Variants in PSG7 observed in about 807,000 individuals in gnomAD.
PSG7 encodes the protein pregnancy specific beta-1-glycoprotein 7.
In PSG7, 57 loss-of-function variants were observed where a neutral mutation model predicts 45.6. The observed-to-expected ratio is 1.25, with a 90% CI of 1.01 to 1.56. PSG7 has a LOEUF of 1.56. Among genes scored for constraint, PSG7 ranks in the 40% most tolerant of loss-of-function variants. PSG7 has a pLI of 0.00. For synonymous variants in PSG7, 298 were observed against 194.4 expected (o/e 1.53, Z -4.43); for missense variants, 796 against 508.4 (o/e 1.57, Z -5.44).
intron 2 of PSG7, among the ~76,000 whole-genome samples, chr19:42,930,884 T>C (rs1383596191): frequency 6.6e-6 from 1 of 151,682 alleles, no homozygotes; most frequent in East Asian, 1.9e-4. Flanking sequence ...GTGCTCCTTA[T>C]GCAGAAAGGT....
In PSG7 at chr19:42,929,246, G is replaced by A. The variant is rs1295950450; in HGVS notation, c.709+196C>T. 10 of 1,295,898 alleles carry A rather than the reference G, an allele frequency of 7.7e-6. No individual in the cohort carries two copies. In the South Asian group the frequency reaches 1.6e-4, roughly 20 times the overall value. The allele number at this position is 1,295,898 out of a possible 1,614,324, so 80.3% of individuals were successfully genotyped here. A position where few individuals can be genotyped will look rare whatever the true frequency, so the allele number is the denominator to read the frequency against. On this transcript the variant is annotated intron_variant, in intron 3 of 5. Coordinates refer to ENST00000406070, the MANE Select transcript of PSG7 (RefSeq NM_002783.3). ...GTGGACCCTGAGTCTCCCATGACAG[G>A]AGCAGCCTCTTTTCTCTTATTGTGG...
intron 3 of PSG7, among the ~76,000 whole-genome samples, chr19:42,928,604 C>A (rs116589013): frequency 0.12 from 18,898 of 151,306 alleles, 1,659 homozygotes; most frequent in Admixed American, 0.17. Flanking sequence ...AGTGTATAGT[C>A]TGAAGAATGA....
intron 2 of PSG7, among the ~76,000 whole-genome samples, chr19:42,930,727 T>C (rs1365706749): frequency 6.6e-6 from 1 of 151,324 alleles, no homozygotes; most frequent in African/African-American, 2.4e-5. Flanking sequence ...GATTCCAGAG[T>C]GAATCAGAGA....
chr19:42,925,919 C>G lies in PSG7; in HGVS notation c.1097G>C (p.Trp366Ser), dbSNP rs772794083. 1 of 1,612,122 alleles carries G rather than the reference C, an allele frequency of 6.2e-7. No individual in the cohort carries two copies. The highest frequency in any genetic ancestry group is 1.7e-5 in the Admixed American group (1 of 59,886). The stretch of plus-strand genomic sequence containing the variant: ...TAGCTGAAACTTCCCATTAATTGTC[C>G]AAGAATACTGTGCCGGTGGGTTAGA... ...ADSNPPAQYSWTINGKFQLSG... is the reference protein window; with the variant it reads ...ADSNPPAQYSSTINGKFQLSG... The change falls in exon 5 of 6, where the codon TGG (tryptophan) becomes TCG (serine). Residue 366 changes from tryptophan to serine, a missense_variant. Transcript: ENST00000406070.
intron 2 of PSG7, among the ~76,000 whole-genome samples, chr19:42,933,892 G>T (rs150948804): frequency 0.02 from 3,006 of 151,416 alleles, 158 homozygotes; most frequent in African/African-American, 0.068. Context: ...GGGGCAAGAG[G>T]TAGTGGGGTG....
Position 42,925,958 on chromosome 19 carries a change from G to T in PSG7, c.1058C>A (p.Ser353Tyr), listed in dbSNP as rs780995555. 25 of 1,612,106 alleles carry T rather than the reference G, an allele frequency of 1.6e-5. 1 individual carries two copies. Among genetic ancestry groups the T allele is most frequent in the Middle Eastern group, 3.3e-4 (2 of 6,084 alleles). ...YYHSGQNLYL[S>Y]CFADSNPPAQ... ...CGGTGGGTTAGAGTCCGCAAAGCAG[G>T]ACAAGTAGAGGTTTTGTCCTGAATG... Residue 353 changes from serine (S) to tyrosine (Y), a missense_variant, in exon 5 of 6, where the codon TCC becomes TAC. Ser to Tyr is a moderately radical substitution (Grantham distance 144). Coordinates refer to ENST00000406070, the MANE Select transcript of PSG7 (RefSeq NM_002783.3).
At position 42,931,522 on chromosome 19, in the gene PSG7, G is replaced by A. The variant is rs575160576; in HGVS notation, c.431-1802C>T. Reference sequence around the variant, plus strand: ...TTCTGGGCAGAGTTAGGAAAAATGCGGAGGACCCCAAAACAGGTATGTGAA... The same window carrying A: ...TTCTGGGCAGAGTTAGGAAAAATGCAGAGGACCCCAAAACAGGTATGTGAA... On this transcript the variant is annotated intron_variant, in intron 2 of 5. Coordinates refer to ENST00000406070, the MANE Select transcript of PSG7 (RefSeq NM_002783.3). 1.3e-3 allele frequency among the ~76,000 whole-genome samples: 193 copies of A among 151,654 alleles called. 4 individuals carry two copies. Among genetic ancestry groups the A allele is most frequent in the African/African-American group, 3.5e-3 (143 of 41,332 alleles).
intron 4 of PSG7, 24 bp from the exon 5 acceptor site, chr19:42,926,051 C>G: frequency 6.2e-7 from 1 of 1,607,730 alleles, no homozygotes; most frequent in Non-Finnish European, 8.5e-7. Context: ...AATAAAGCCA[C>G]AGGTGATGTT....
intron 2 of PSG7, among the ~76,000 whole-genome samples, chr19:42,933,265 CAATATATATATATATA>C (rs1453286878): frequency 3.3e-4 from 10 of 30,370 alleles, no homozygotes; most frequent in African/African-American, 9.1e-4. Flanking sequence ...ATCACCATTT[CAATATATATATATATA>C]TATATATATA....
rs562437290 is a variant in PSG7, at chr19:42,926,717, C to T, written c.710-1G>A. On this transcript the variant is annotated splice_acceptor_variant, in intron 3 of 5. Coordinates refer to ENST00000406070, the MANE Select transcript of PSG7 (RefSeq NM_002783.3). LOFTEE classifies it high-confidence loss of function. The stretch of plus-strand genomic sequence containing the variant: ...GTGATGTAGGGCTTGGGCAGCTTCG[C>T]TGTGTGAATAACAGAGAGAAGATTG... The T allele has an allele frequency of 8.2e-5, 132 of 1,610,234 alleles. 9 individuals carry two copies. The South Asian group carries it at 1.3e-3, about 16-fold the overall frequency.
chr19:42,934,625 A>G (rs1451019969), intron 2 of PSG7, among the ~76,000 whole-genome samples: 2 of 151,742 alleles, frequency 1.3e-5, no homozygotes, highest in Non-Finnish European at 2.9e-5. Flanking sequence ...AACAGCATTT[A>G]TTATTAATTT....
chr19:42,936,835 G>C (rs1380573405), intron 1 of PSG7, among the ~76,000 whole-genome samples, 178 bp downstream of exon 1: 1 of 151,314 alleles, frequency 6.6e-6, no homozygotes, highest in African/African-American at 2.4e-5. Context: ...TTTTAGTACA[G>C]ACAGGGCTAC....
chr19:42,934,929 G>A (rs114635027), intron 2 of PSG7, among the ~76,000 whole-genome samples: 20,039 of 151,562 alleles, frequency 0.13, 1,786 homozygotes, highest in Admixed American at 0.17. Context: ...CTTAGTCCCA[G>A]TAAGCCCTGC....
rs199910890 is a variant in PSG7, at chr19:42,929,726, C to G, written c.431-6G>C. On this transcript the variant is annotated splice_polypyrimidine_tract_variant and splice_region_variant and intron_variant, in intron 2 of 5. Transcript: ENST00000406070. The stretch of plus-strand genomic sequence containing the variant: ...GGAGGGTTTGGGAGTCTCCACTGTG[C>G]GGAAAACAGAGAGAAGATTGCCCTG... 6.9e-5 allele frequency: 111 copies of G among 1,609,744 alleles called. 3 individuals are homozygous for G. The highest frequency in any genetic ancestry group is 7.8e-5 in the Non-Finnish European group (92 of 1,177,802).
chr19:42,930,071 G>C (rs185912276), intron 2 of PSG7, among the ~76,000 whole-genome samples: 2 of 151,654 alleles, frequency 1.3e-5, no homozygotes, highest in Non-Finnish European at 2.9e-5. Flanking sequence ...GGAGCATTCA[G>C]TGCTGGAATC....
chr19:42,924,369 C>A lies in PSG7; in HGVS notation c.*439G>T. The A allele has an allele frequency of 2.4e-6, 1 of 423,568 alleles. No individual in the cohort carries two copies. The highest frequency in any genetic ancestry group is 4.1e-6 in the Non-Finnish European group (1 of 241,848). The allele number at this position is 423,568 out of a possible 1,614,324, so 26.2% of individuals were successfully genotyped here. On this transcript the variant is annotated 3_prime_UTR_variant, in exon 6 of 6. Transcript: ENST00000406070. ...ATGCAAGATGGAGAGAGCCACATTT[C>A]CTCCTGAGATGTTATGTAAAAGTCT...
At chr19:42,932,715 A>G (rs536614692) in intron 2 of PSG7, among the ~76,000 whole-genome samples, 11 of 151,492 alleles carry the variant, frequency 7.3e-5, no homozygotes, top group Non-Finnish European at 1.3e-4. Context: ...AGCAAGAATG[A>G]TGATAGTTCC....
chr19:42,936,388 A>G (rs192256185), intron 1 of PSG7: 1 of 156,976 alleles, frequency 6.4e-6, no homozygotes, highest in African/African-American at 2.4e-5. Flanking sequence ...TTTCCTCCCA[A>G]TTGTTGAGGT....
Position 42,935,546 on chromosome 19 carries a change from A to G in PSG7, c.288T>C (p.Ser96=), listed in dbSNP as rs1325542317. 5 of 1,611,982 alleles carry G rather than the reference A, an allele frequency of 3.1e-6. No individual in the cohort carries two copies. In the African/African-American group the frequency reaches 4.0e-5, roughly 13 times the overall value. Residue 96 remains serine, a synonymous_variant, in exon 2 of 6, where the codon AGT becomes AGC. Transcript: ENST00000406070. ...GQIIKYGPAY[S]GRETVYSNAS... The stretch of plus-strand genomic sequence containing the variant: ...CATTGGAATATACTGTTTCTCGTCC[A>G]CTGTATGCAGGCCCATATTTAATTA...
Sources: gnomAD v4.1 joint callset for allele counts (sites outside exome capture counted in the v4.1 genomes callset) on GRCh38, gnomAD v4.1.1 for gene constraint, MANE v1.5 for transcripts, NCBI Gene and HGNC (gene_info 2026-07-23, HGNC 2026-07-21) for gene names.